NTMT1: variants seen among roughly 807,000 people sequenced by gnomAD.
NTMT1 encodes N-terminal Xaa-Pro-Lys N-methyltransferase 1, also known as N-terminal RCC1 methyltransferase.
A neutral mutation model predicts 17.5 loss-of-function variants in NTMT1; 8 were observed. The observed-to-expected ratio is 0.46, with a 90% CI of 0.27 to 0.82. The LOEUF is 0.82. NTMT1 is among the 40% of genes least tolerant of loss of function. The pLI, the probability that NTMT1 is intolerant of heterozygous loss-of-function variation, is 0.15. For synonymous variants in NTMT1, 128 were observed against 126.8 expected (o/e 1.01, Z -0.06); for missense variants, 221 against 303.5 (o/e 0.73, Z 2.02).
chr9:129,633,329 G>A, intron 2 of NTMT1: 3 of 274,620 alleles, frequency 1.1e-5, no homozygotes, highest in Non-Finnish European at 2.0e-5. Flanking sequence ...GGCTGGCACT[G>A]GAGGCTGCTG....
In NTMT1 at chr9:129,635,301, C is replaced by T. The variant is rs769250823; in HGVS notation, c.509C>T (p.Ala170Val). 2 of 1,613,776 alleles carry T rather than the reference C, an allele frequency of 1.2e-6. No homozygotes were observed. The highest frequency in any genetic ancestry group is 3.3e-5 in the Admixed American group (2 of 60,026). ...ATCATCGTCATCAAAGACAACATGG[C>T]CCAGGAGGGCGTGATTCTGGACGAC... ...NGIIVIKDNM[A>V]QEGVILDDVD... Residue 170 changes from alanine (A) to valine (V), a missense_variant, in exon 4 of 4, where the codon GCC becomes GTC. Transcript: ENST00000372483.
rs751434608 is a variant in NTMT1 at position 129,635,414 on chromosome 9, G to A, written c.622G>A (p.Glu208Lys). ...CAGCCTCCTGGCCGAGGAGAGGCAG[G>A]AGAACCTCCCCGATGAGATCTACCA... ...GLSLLAEERQ[E>K]NLPDEIYHVY... The change falls in exon 4 of 4, where the codon GAG becomes AAG. Residue 208 changes from glutamate to lysine, a missense_variant. Glu to Lys is a moderately conservative substitution (Grantham distance 56). Transcript: ENST00000372483. 3.7e-6 allele frequency: 6 copies of A among 1,613,542 alleles called. No individual in the cohort carries two copies. The highest frequency in any genetic ancestry group is 5.1e-6 in the Non-Finnish European group (6 of 1,180,028).
At chr9:129,609,459 C>T (rs905049152) in intron 1 of NTMT1, among the ~76,000 whole-genome samples, 1 of 152,164 alleles carries the variant, frequency 6.6e-6, no homozygotes, top group African/African-American at 2.4e-5. Flanking sequence ...TTGATCCCAG[C>T]TGCTCAGATG....
chr9:129,634,634 G>A (rs1401282408), intron 3 of NTMT1: 3 of 280,432 alleles, frequency 1.1e-5, no homozygotes, highest in Non-Finnish European at 2.0e-5. Flanking sequence ...TTTTTAATAA[G>A]ATGAATAGTT....
At position 129,614,267 on chromosome 9, in the gene NTMT1, C is replaced by A. The variant is rs900775633; in HGVS notation, c.-55+5089C>A. ...ACACAAGCCCATCCTGCTTCTGGGG[C>A]CTTGGTTTCCCCACCAAACAAACAG... On this transcript the variant is annotated intron_variant, in intron 1 of 3. Coordinates refer to the NTMT1 transcript ENST00000372486. This position sits in a 1 kb window ranked among gnomAD's most constrained non-coding sequence, Gnocchi z 4.4. 4.6e-5 allele frequency among the ~76,000 whole-genome samples: 7 copies of A among 152,214 alleles called. No homozygotes were observed. The highest frequency in any genetic ancestry group is 4.6e-4 in the Admixed American group (7 of 15,276).
At chr9:129,622,532 G>C (rs139503943), upstream of NTMT1, among the ~76,000 whole-genome samples, 639 of 152,184 alleles carry the variant, frequency 4.2e-3, 3 homozygotes, top group Non-Finnish European at 5.6e-3. Context: ...TGGGTGCTAG[G>C]TGTGCTTCTT....
chr9:129,617,015 C>T (rs935291484), intron 1 of NTMT1, among the ~76,000 whole-genome samples: 7 of 151,970 alleles, frequency 4.6e-5, no homozygotes, highest in Admixed American at 4.6e-4. Context: ...TGCAGTGAGC[C>T]GAGATCGTGC....
At chr9:129,611,318 G>A (rs1054962725) in intron 1 of NTMT1, among the ~76,000 whole-genome samples, 1 of 152,220 alleles carries the variant, frequency 6.6e-6, no homozygotes, top group Non-Finnish European at 1.5e-5. Flanking sequence ...GAAAGAGGCG[G>A]CGGCTCAAAC....
intron 1 of NTMT1, among the ~76,000 whole-genome samples, chr9:129,618,914 C>T (rs1830530298): frequency 6.7e-6 from 1 of 149,190 alleles, no homozygotes; most frequent in South Asian, 2.1e-4. Context: ...CGGGGTTTCA[C>T]CGTGTTATCC....
At chr9:129,629,545 A>G (rs58720125) in intron 1 of NTMT1, among the ~76,000 whole-genome samples, 6,436 of 152,108 alleles carry the variant, frequency 0.042, 453 homozygotes, top group African/African-American at 0.15. Flanking sequence ...TGTATTTTTG[A>G]CAGAGATGGG....
chr9:129,623,056 G>A (rs112844554), upstream of NTMT1, among the ~76,000 whole-genome samples: 27,698 of 150,572 alleles, frequency 0.18, 2,945 homozygotes, highest in East Asian at 0.29. Flanking sequence ...AGAAAGAGCC[G>A]GGCACGGTGG....
chr9:129,630,208 T>G (rs1327019753), intron 1 of NTMT1, among the ~76,000 whole-genome samples: 1 of 152,148 alleles, frequency 6.6e-6, no homozygotes, highest in East Asian at 1.9e-4. Context: ...TGCAGTGGTT[T>G]CTGCCTGTAA....
chr9:129,611,635 G>C (rs951866127), intron 1 of NTMT1, among the ~76,000 whole-genome samples: 1 of 151,094 alleles, frequency 6.6e-6, no homozygotes, highest in African/African-American at 2.5e-5. Flanking sequence ...ACAGAGGCTT[G>C]GGGTGGGGGT....
intron 1 of NTMT1, among the ~76,000 whole-genome samples, chr9:129,621,046 C>T (rs978655834): frequency 1.3e-5 from 2 of 152,276 alleles, no homozygotes; most frequent in Non-Finnish European, 2.9e-5. Flanking sequence ...GGGATAATAG[C>T]AGCACCTGCC....
chr9:129,619,464 A>C, intron 1 of NTMT1: 1 of 1,237,650 alleles, frequency 8.1e-7, no homozygotes. Context: ...GAAAGAAAGA[A>C]GGAAAGAAAT....
At chr9:129,617,075 GA>G (rs61602308) in intron 1 of NTMT1, among the ~76,000 whole-genome samples, 34,324 of 150,276 alleles carry the variant, frequency 0.23, 4,916 homozygotes, top group African/African-American at 0.42. Context: ...CAAAAAAAAA[GA>G]AAAAAAAAAT....
At chr9:129,632,282 C>G (rs1008561599) in intron 1 of NTMT1, among the ~76,000 whole-genome samples, 3 of 152,098 alleles carry the variant, frequency 2.0e-5, no homozygotes, top group Non-Finnish European at 4.4e-5. Context: ...GACCCCATCT[C>G]TACAAAAAAT....
intron 3 of NTMT1, 112 bp from the exon 4 acceptor site, chr9:129,635,096 C>A: frequency 7.6e-7 from 1 of 1,319,114 alleles, no homozygotes; most frequent in Non-Finnish European, 1.0e-6. Context: ...CATGTGTGCA[C>A]ACAAAATGCT....
intron 1 of NTMT1, among the ~76,000 whole-genome samples, chr9:129,630,755 C>T (rs557925391): frequency 6.6e-6 from 1 of 152,352 alleles, no homozygotes; most frequent in Admixed American, 6.5e-5. Flanking sequence ...GGAGGCAGCA[C>T]GTGCGAGGCG....
Sources: gnomAD v4.1 joint callset for allele counts (sites outside exome capture counted in the v4.1 genomes callset) on GRCh38, gnomAD v4.1.1 for gene constraint, Gnocchi (gnomAD v3.1) non-coding constraint, MANE v1.5 for transcripts, NCBI Gene and HGNC (gene_info 2026-07-23, HGNC 2026-07-21) for gene names.